Variants in ZBTB20 observed in about 807,000 individuals in gnomAD.
ZBTB20 encodes the protein zinc finger and BTB domain-containing protein 20.
In ZBTB20, 9 loss-of-function variants were observed where a neutral mutation model predicts 56.9. The observed-to-expected ratio is 0.16, with a 90% confidence interval of 0.10 to 0.28. ZBTB20 has a LOEUF of 0.28. ZBTB20 is among the 10% of genes least tolerant of loss of function. ZBTB20 has a pLI of 1.00. For missense variants in ZBTB20, 655 were observed against 1,003.0 expected (o/e 0.65, Z 4.69); for synonymous variants, 417 against 420.7 (o/e 0.99, Z 0.11).
chr3:115,017,593 G>C (rs767442320), intron 2 of ZBTB20, among the ~76,000 whole-genome samples: 2 of 151,474 alleles, frequency 1.3e-5, no homozygotes, highest in African/African-American at 2.4e-5. Context: ...TGCTGTCACA[G>C]AGAGATGTGA....
chr3:114,329,735 A>AAAAAAAAAC lies in ZBTB20; in HGVS notation c.*9269_*9270insGTTTTTTTT, dbSNP rs1553785009. The AAAAAAAAAC allele has an allele frequency of 7.2e-6, 1 of 138,598 alleles. No individual in the cohort carries two copies. The highest frequency in any genetic ancestry group is 1.5e-5 in the Non-Finnish European group (1 of 66,302). 8.6% of individuals were successfully genotyped at this position (138,598 alleles called of 1,614,324 possible). A position where few individuals can be genotyped will look rare whatever the true frequency, so the allele number is the denominator to read the frequency against. ...AAAAAAAAAAAAAAAAAAAAAAAAA[A>AAAAAAAAAC]AACAACTCCCAGGAAAATGAACACT... is the stretch of plus-strand genomic sequence containing the variant. On this transcript the variant is annotated 3_prime_UTR_variant, in exon 12 of 12. Coordinates refer to ENST00000675478, the MANE Select transcript of ZBTB20 (RefSeq NM_001348800.3).
Position 114,319,393 on chromosome 3 carries a change from A to C in ZBTB20, c.*19612T>G, listed in dbSNP as rs964213248. 6.6e-6 allele frequency: 1 copy of C among 152,146 alleles called. No homozygotes were observed. Among genetic ancestry groups the C allele is most frequent in the South Asian group, 2.1e-4 (1 of 4,826 alleles). 9.4% of individuals were successfully genotyped at this position (152,146 alleles called of 1,614,324 possible). Reference sequence around the variant, plus strand: ...TGTCTGTTTTTGCATAAAACATGGAAGATGCAAAACATTTACTGTATTAGG... The same window carrying C: ...TGTCTGTTTTTGCATAAAACATGGACGATGCAAAACATTTACTGTATTAGG... On this transcript the variant is annotated 3_prime_UTR_variant, in exon 12 of 12. Transcript: ENST00000675478.
chr3:114,540,926 C>T (rs2049036190), intron 6 of ZBTB20, among the ~76,000 whole-genome samples: 2 of 151,950 alleles, frequency 1.3e-5, no homozygotes, highest in Admixed American at 1.3e-4. Context: ...CACTGAGAAG[C>T]TAAAAAAACA....
chr3:114,864,690 T>C (rs1051127340), intron 4 of ZBTB20, among the ~76,000 whole-genome samples: 19 of 152,084 alleles, frequency 1.2e-4, no homozygotes, highest in South Asian at 2.1e-4. Context: ...AGATGGGCGA[T>C]AGGTAATGCA....
At chr3:114,581,919 A>G (rs1015990316) in intron 6 of ZBTB20, among the ~76,000 whole-genome samples, 1 of 152,200 alleles carries the variant, frequency 6.6e-6, no homozygotes, top group South Asian at 2.1e-4. Flanking sequence ...CTATGTATAT[A>G]TGTCTATAAA....
intron 3 of ZBTB20, among the ~76,000 whole-genome samples, chr3:114,921,404 T>G (rs1191972669): frequency 6.6e-6 from 1 of 152,130 alleles, no homozygotes; most frequent in Non-Finnish European, 1.5e-5. Flanking sequence ...ATTACAGGTG[T>G]GAGCCACCGT....
In ZBTB20 at chr3:114,924,980, CT is replaced by C. The variant is rs578028983; in HGVS notation, c.-455-24639del. On this transcript the variant is annotated intron_variant, in intron 3 of 11. Transcript: ENST00000675478. ...GTTTTAAAATTCCCATTTGGTTCTT[CT>C]TTTTTTTTTTTTTTTTTTTTTTAGA... 9.2e-3 allele frequency among the ~76,000 whole-genome samples: 924 copies of C among 99,898 alleles called. 6 individuals are homozygous for C. Among genetic ancestry groups the C allele is most frequent in the African/African-American group, 0.016 (444 of 27,034 alleles). The allele number at this position is 99,898 out of a possible 152,430, so 65.5% of individuals were successfully genotyped here.
At chr3:115,097,460 TA>T (rs967128587) in intron 1 of ZBTB20, among the ~76,000 whole-genome samples, 5 of 151,780 alleles carry the variant, frequency 3.3e-5, no homozygotes, top group Admixed American at 1.3e-4. Flanking sequence ...CTATTTTTTT[TA>T]AAAAAAATCT....
intron 5 of ZBTB20, among the ~76,000 whole-genome samples, chr3:114,707,984 A>G (rs539312973): frequency 6.6e-6 from 1 of 152,342 alleles, no homozygotes; most frequent in East Asian, 1.9e-4. Context: ...AGCAGGAATC[A>G]TATCTCCTCC....
chr3:114,655,501 C>A (rs1207453259), intron 6 of ZBTB20, among the ~76,000 whole-genome samples: 2 of 151,972 alleles, frequency 1.3e-5, no homozygotes, highest in Non-Finnish European at 2.9e-5. Context: ...ATCCACCCGC[C>A]TCGGCCTCCC....
At chr3:114,369,783 T>C (rs976282692) in intron 10 of ZBTB20, among the ~76,000 whole-genome samples, 2 of 152,216 alleles carry the variant, frequency 1.3e-5, no homozygotes, top group Non-Finnish European at 2.9e-5. Flanking sequence ...GAATTGGGCA[T>C]ATCATGAAAG....
chr3:114,902,756 G>C (rs2075171396), intron 3 of ZBTB20, among the ~76,000 whole-genome samples: 2 of 152,118 alleles, frequency 1.3e-5, no homozygotes, highest in African/African-American at 4.8e-5. Context: ...TAAAACACAT[G>C]CACAATTATT....
At chr3:114,402,902 C>A (rs1195574479) in intron 7 of ZBTB20, among the ~76,000 whole-genome samples, 1 of 152,130 alleles carries the variant, frequency 6.6e-6, no homozygotes. Flanking sequence ...TTATACTTAC[C>A]CGAAATTTCA....
intron 3 of ZBTB20, among the ~76,000 whole-genome samples, chr3:114,964,999 TA>T (rs1196147889): frequency 6.6e-6 from 1 of 152,176 alleles, no homozygotes; most frequent in African/African-American, 2.4e-5. Flanking sequence ...AAAAAATTCC[TA>T]AAATATGTCT....
At chr3:114,591,548 A>G (rs947236384) in intron 6 of ZBTB20, among the ~76,000 whole-genome samples, 1 of 152,180 alleles carries the variant, frequency 6.6e-6, no homozygotes, top group East Asian at 1.9e-4. Context: ...ACAATCCCAC[A>G]CAAAAGAAGA....
chr3:114,379,495 TAGA>T (rs1317003774), intron 10 of ZBTB20, among the ~76,000 whole-genome samples: 3 of 152,214 alleles, frequency 2.0e-5, no homozygotes, highest in Admixed American at 6.5e-5. Flanking sequence ...AAAATAGAAT[TAGA>T]AGAAGTGACT....
intron 5 of ZBTB20, among the ~76,000 whole-genome samples, chr3:114,713,182 T>C (rs1205235506): frequency 6.6e-6 from 1 of 152,058 alleles, no homozygotes; most frequent in Non-Finnish European, 1.5e-5. Flanking sequence ...TTATATTGAT[T>C]TTATTATAGT....
intron 6 of ZBTB20, among the ~76,000 whole-genome samples, chr3:114,566,346 A>G (rs1169333300): frequency 6.6e-6 from 1 of 152,192 alleles, no homozygotes; most frequent in Non-Finnish European, 1.5e-5. Flanking sequence ...GGATAACATC[A>G]CAGACCAAGG....
In ZBTB20 at chr3:114,831,503, A is replaced by G. The variant is rs544348906; in HGVS notation, c.-416-30329T>C. On this transcript the variant is annotated intron_variant, in intron 4 of 11. Transcript: ENST00000675478. ...GGCAATATAAGGAAAATTACTCTAC[A>G]GTGTCTAACTCTTCACGTCAGGCAA... 1.4e-4 allele frequency among the ~76,000 whole-genome samples: 21 copies of G among 152,138 alleles called. No homozygotes were observed. The South Asian group carries it at 3.3e-3, about 24-fold the overall frequency.
Sources: gnomAD v4.1 joint callset for allele counts (sites outside exome capture counted in the v4.1 genomes callset) on GRCh38, gnomAD v4.1.1 for gene constraint, MANE v1.5 for transcripts, NCBI Gene and HGNC (gene_info 2026-07-23, HGNC 2026-07-21) for gene names.